The following SGSM3 variants were observed in gnomAD, a reference collection of about 807,000 sequenced individuals.
The protein encoded by SGSM3 is RUN and SH3 containing 3.
Under a neutral mutation model 100.5 loss-of-function variants are expected in SGSM3, and 96 were observed. The observed-to-expected ratio is 0.96, with a 90% CI of 0.81 to 1.13. The LOEUF is 1.13. SGSM3 is among the 50% of genes most tolerant of loss of function. The probability of loss-of-function intolerance (pLI) is 0.00; values close to 1 mark genes in which losing one functional copy is unlikely to be tolerated. For synonymous variants in SGSM3, 483 were observed against 422.8 expected, an observed-to-expected ratio of 1.14 and a Z score of -1.75; for missense variants, 1,001 against 1,015.8, an observed-to-expected ratio of 0.99 and a Z score of 0.20.
chr22:40,410,096 T>TGTCG lies in SGSM3; in HGVS notation c.*340_*341insGGTC. 1.7e-6 allele frequency: 2 copies of TGTCG among 1,194,738 alleles called. No individual in the cohort carries two copies. The highest frequency in any genetic ancestry group is 2.9e-5 in the South Asian group (1 of 34,352). 74.0% of individuals were successfully genotyped at this position (1,194,738 alleles called of 1,614,324 possible). On this transcript the variant is annotated 3_prime_UTR_variant, in exon 22 of 22. Coordinates refer to ENST00000248929, the MANE Select transcript of SGSM3 (RefSeq NM_015705.6). The stretch of plus-strand genomic sequence containing the variant: ...CTTTGGTTTATAAATAAACTGTGTC[T>TGTCG]GTCTTTGAGAAAGCACCTACCTGTC...
chr22:40,389,001 TGA>T (rs935924436), intron 1 of SGSM3, among the ~76,000 whole-genome samples: 6 of 152,062 alleles, frequency 3.9e-5, no homozygotes, highest in Admixed American at 3.9e-4. Context: ...GGTCTGAGGT[TGA>T]GAGAGAAATG....
intron 1 of SGSM3, among the ~76,000 whole-genome samples, chr22:40,389,500 G>A (rs1400995930): frequency 2.6e-5 from 4 of 151,028 alleles, no homozygotes; most frequent in Non-Finnish European, 5.9e-5. Flanking sequence ...TCCGGAGGCT[G>A]AGGCAGGAGA....
In SGSM3 at chr22:40,404,235, C is replaced by T. The variant is rs760642874; in HGVS notation, c.158-12C>T. 2.7e-6 allele frequency: 4 copies of T among 1,505,780 alleles called. No homozygotes were observed. The highest frequency in any genetic ancestry group is 3.5e-6 in the Non-Finnish European group (4 of 1,126,874). The allele number at this position is 1,505,780 out of a possible 1,614,324, so 93.3% of individuals were successfully genotyped here. A position where few individuals can be genotyped will look rare whatever the true frequency, so the allele number is the denominator to read the frequency against. On this transcript the variant is annotated splice_polypyrimidine_tract_variant and intron_variant, in intron 4 of 21. Transcript: ENST00000248929. ...AATGCTTTTTCTTTCCTCCTTGGCT[C>T]TCTCTTGGCAGAAGGTGATGAGCCT...
intron 16 of SGSM3, 64 bp downstream of exon 16, chr22:40,408,493 C>T: frequency 1.9e-6 from 3 of 1,599,710 alleles, no homozygotes; most frequent in East Asian, 2.2e-5. Flanking sequence ...CCCTAGTACC[C>T]ATCTTAGGTC....
intron 1 of SGSM3, among the ~76,000 whole-genome samples, chr22:40,373,919 G>A (rs548525575): frequency 6.6e-6 from 1 of 151,380 alleles, no homozygotes; most frequent in Non-Finnish European, 1.5e-5. Context: ...TGGCCTGATA[G>A]GGTGGTTTAT....
rs540532672 is a variant in SGSM3 at position 40,406,620 on chromosome 22, G to A, written c.1143G>A (p.Gln381=). 3 of 1,609,264 alleles carry A rather than the reference G, an allele frequency of 1.9e-6. No homozygotes were observed. In the African/African-American group the frequency reaches 4.0e-5, roughly 21 times the overall value. ...ACCTGGCCTATCTCATTGCAGACCAGGGCCAGCTCCTGGGGGCCGGCACCC... is the reference window on the plus strand; with the variant it reads ...ACCTGGCCTATCTCATTGCAGACCAAGGCCAGCTCCTGGGGGCCGGCACCC... ...RKHLAYLIAD[Q]GQLLGAGTLT... is the part of the protein sequence containing the mutation. The change falls in exon 10 of 22, where the codon CAG becomes CAA. Residue 381 remains glutamine (Q), a synonymous_variant. Coordinates refer to ENST00000248929, the MANE Select transcript of SGSM3 (RefSeq NM_015705.6).
At chr22:40,398,257 G>A (rs2050302769) in intron 1 of SGSM3, among the ~76,000 whole-genome samples, 2 of 143,490 alleles carry the variant, frequency 1.4e-5, no homozygotes, top group African/African-American at 5.1e-5. Context: ...GTGAGCCACC[G>A]GGCCCAGCCT....
Position 40,407,722 on chromosome 22 carries a change from C to T in SGSM3, c.1525-67C>T, listed in dbSNP as rs376717745. 603 of 1,588,964 alleles carry T rather than the reference C, an allele frequency of 3.8e-4. 3 individuals carry two copies. The African/African-American group carries it at 7.0e-3, about 18-fold the overall frequency. ...TGGCCTAGTTGCTGAGGAGTCATAT[C>T]GGGGGTGCAGGAGGCGCTGGCCCAG... On this transcript the variant is annotated intron_variant, in intron 13 of 21. Coordinates refer to ENST00000248929, the MANE Select transcript of SGSM3 (RefSeq NM_015705.6). This position sits in a 1 kb window ranked among gnomAD's most constrained non-coding sequence, Gnocchi z 4.7.
chr22:40,402,136 T>C lies in SGSM3; in HGVS notation c.91-3T>C, dbSNP rs754325994. On this transcript the variant is annotated splice_polypyrimidine_tract_variant and splice_region_variant and intron_variant, in intron 3 of 21. Coordinates refer to ENST00000248929, the MANE Select transcript of SGSM3 (RefSeq NM_015705.6). Reference sequence around the variant, plus strand: ...ACTGACTTCAACCTCATCCTGATTCTAGAAGGAAGAGTCAGCAGAGCAACC... The same window carrying C: ...ACTGACTTCAACCTCATCCTGATTCCAGAAGGAAGAGTCAGCAGAGCAACC... The C allele has an allele frequency of 3.1e-6, 5 of 1,612,764 alleles. No homozygotes were observed. Among genetic ancestry groups the C allele is most frequent in the Admixed American group, 3.3e-5 (2 of 60,016 alleles).
rs141477019 is a variant in SGSM3, at chr22:40,409,705, C to A, written c.2196C>A (p.Gly732=). Residue 732 remains glycine (G), a synonymous_variant, in exon 22 of 22, where the codon GGC becomes GGA. Coordinates refer to ENST00000248929, the MANE Select transcript of SGSM3 (RefSeq NM_015705.6). ...KREAQQPLKE[G]VRDMLVKHHL... ...AGGCGCAGCAGCCCCTGAAGGAGGGCGTCCGGGACATGCTGGTGAAGCACC... is the reference window on the plus strand; with the variant it reads ...AGGCGCAGCAGCCCCTGAAGGAGGGAGTCCGGGACATGCTGGTGAAGCACC... 13 of 1,612,936 alleles carry A rather than the reference C, an allele frequency of 8.1e-6. No individual in the cohort carries two copies. The highest frequency in any genetic ancestry group is 1.1e-5 in the Non-Finnish European group (13 of 1,179,772).
Position 40,401,611 on chromosome 22 carries a change from G to C in SGSM3, c.26G>C (p.Cys9Ser). ...GTTTTAGGAAGCCATACACCTGCCTGTGGCCCTTTCTCAGCCCTGACTCCG... is the reference window on the plus strand; with the variant it reads ...GTTTTAGGAAGCCATACACCTGCCTCTGGCCCTTTCTCAGCCCTGACTCCG... MSGSHTPACGPFSALTPSI... is the reference protein window; with the variant it reads MSGSHTPASGPFSALTPSI... The change falls in exon 3 of 22, where the codon TGT becomes TCT. Residue 9 changes from cysteine (C) to serine (S), a missense_variant. Physicochemically the swap from Cys to Ser is moderately radical, Grantham distance 112. Coordinates refer to ENST00000248929, the MANE Select transcript of SGSM3 (RefSeq NM_015705.6). 1 of 1,613,106 alleles carries C rather than the reference G, an allele frequency of 6.2e-7. No individual in the cohort carries two copies. Among genetic ancestry groups the C allele is most frequent in the Non-Finnish European group, 8.5e-7 (1 of 1,179,314 alleles).
rs146605000 is a variant in SGSM3 at position 40,389,777 on chromosome 22, G to A, written c.-111-10919G>A. ...AAATTAGCTGGATGTGGTGCTGCAT[G>A]CCTGTAATTCCAGCTACTCGGGAGG... On this transcript the variant is annotated intron_variant, in intron 1 of 21. Coordinates refer to ENST00000248929, the MANE Select transcript of SGSM3 (RefSeq NM_015705.6). Among the ~76,000 whole-genome samples, 162 of 151,488 alleles carry A rather than the reference G, an allele frequency of 1.1e-3. 3 individuals carry two copies. The East Asian group carries it at 0.028, about 26-fold the overall frequency.
At chr22:40,388,139 A>G (rs911433428) in intron 1 of SGSM3, 2 of 152,220 alleles carry the variant, frequency 1.3e-5, no homozygotes, top group Non-Finnish European at 2.9e-5. Context: ...TGATTCTTAG[A>G]CTTACTTTGC....
chr22:40,403,881 G>A lies in SGSM3; in HGVS notation c.158-366G>A, dbSNP rs539706658. On this transcript the variant is annotated intron_variant, in intron 4 of 21. Coordinates refer to ENST00000248929, the MANE Select transcript of SGSM3 (RefSeq NM_015705.6). ...CAAGGGCCATGGTCAGGGGTGGTGA[G>A]ACGTAAAGGAATCCTGTGGGTTTGC... 3.3e-5 allele frequency among the ~76,000 whole-genome samples: 5 copies of A among 152,288 alleles called. No homozygotes were observed. In the South Asian group the frequency reaches 1.0e-3, roughly 32 times the overall value.
Position 40,409,783 on chromosome 22 carries a change from C to G in SGSM3, c.*24C>G, listed in dbSNP as rs766677451. The G allele has an allele frequency of 6.3e-7, 1 of 1,598,902 alleles. No homozygotes were observed. The highest frequency in any genetic ancestry group is 1.7e-5 in the Admixed American group (1 of 59,386). ...GACCCCCTCCTCCCCAGCCCAACCT[C>G]GGGCCTGCGTCTGAGGTGGCCCAGG... On this transcript the variant is annotated 3_prime_UTR_variant, in exon 22 of 22. Transcript: ENST00000248929.
At chr22:40,400,416 G>A (rs576231694) in intron 1 of SGSM3, among the ~76,000 whole-genome samples, 14 of 152,290 alleles carry the variant, frequency 9.2e-5, no homozygotes, top group East Asian at 3.9e-4. Context: ...GGCCGAGGCC[G>A]GCGGGATCAC....
intron 21 of SGSM3, 61 bp downstream of exon 21, chr22:40,409,586 T>C: frequency 6.2e-7 from 1 of 1,612,874 alleles, no homozygotes; most frequent in Non-Finnish European, 8.5e-7. Context: ...GTTCGCGGGG[T>C]GGCTAAGGTG....
intron 9 of SGSM3, 106 bp downstream of exon 9, chr22:40,406,329 C>A: frequency 6.5e-7 from 1 of 1,528,450 alleles, no homozygotes. Flanking sequence ...TGGCCCCTGA[C>A]AACTGTGCCA....
intron 1 of SGSM3, among the ~76,000 whole-genome samples, chr22:40,396,183 T>C (rs1393336964): frequency 6.6e-6 from 1 of 152,224 alleles, no homozygotes; most frequent in Non-Finnish European, 1.5e-5. Context: ...TTTCTTGGAC[T>C]TTCCCGGCTT....
Sources: gnomAD v4.1 joint callset for allele counts (sites outside exome capture counted in the v4.1 genomes callset) on GRCh38, gnomAD v4.1.1 for gene constraint, Gnocchi (gnomAD v3.1) non-coding constraint, MANE v1.5 for transcripts, NCBI Gene and HGNC (gene_info 2026-07-23, HGNC 2026-07-21) for gene names.